The following SGCZ variants were observed in gnomAD, a reference collection of about 807,000 sequenced individuals.
SGCZ encodes zeta-sarcoglycan.
In SGCZ, 40 loss-of-function variants were observed where a neutral mutation model predicts 41.3. The ratio of observed to expected loss-of-function variants is 0.97; its 90% CI spans 0.75 to 1.26. SGCZ has a LOEUF of 1.26. Ranked by LOEUF, SGCZ falls within the 50% of genes most tolerant of loss-of-function variation. The pLI is 0.00. For synonymous variants in SGCZ, 206 were observed against 137.5 expected (o/e 1.50, Z -3.49); for missense variants, 552 against 369.8 (o/e 1.49, Z -4.04).
intron 1 of SGCZ, among the ~76,000 whole-genome samples, chr8:14,973,739 G>T (rs1463447338): frequency 1.3e-5 from 2 of 152,122 alleles, no homozygotes; most frequent in Admixed American, 1.3e-4. Context: ...ATTTGATAAA[G>T]GGTATTTTTA....
intron 1 of SGCZ, among the ~76,000 whole-genome samples, chr8:15,167,417 G>T (rs1799699109): frequency 6.6e-6 from 1 of 150,778 alleles, no homozygotes; most frequent in Non-Finnish European, 1.5e-5. Context: ...TTTCTAACAG[G>T]TCTAGGAGCT....
At chr8:14,776,518 C>CTTT (rs35602866) in intron 1 of SGCZ, among the ~76,000 whole-genome samples, 30 of 116,620 alleles carry the variant, frequency 2.6e-4, no homozygotes, top group Admixed American at 3.1e-4. Flanking sequence ...TTTTCTTTTT[C>CTTT]TTTTTTTTTT....
At chr8:15,129,646 G>C (rs1563141108) in intron 1 of SGCZ, among the ~76,000 whole-genome samples, 2 of 149,014 alleles carry the variant, frequency 1.3e-5, no homozygotes, top group Non-Finnish European at 3.0e-5. Context: ...CATTGAAATA[G>C]AGGCGTGTAA....
intron 1 of SGCZ, among the ~76,000 whole-genome samples, chr8:14,793,226 C>G (rs923953585): frequency 1.3e-5 from 2 of 152,178 alleles, no homozygotes; most frequent in Non-Finnish European, 2.9e-5. Flanking sequence ...TCACTGTCTA[C>G]CGCTTTGCTC....
intron 1 of SGCZ, among the ~76,000 whole-genome samples, chr8:14,934,440 AT>A (rs1800019598): frequency 6.6e-6 from 1 of 151,994 alleles, no homozygotes; most frequent in Admixed American, 6.5e-5. Context: ...ACTTCTAGTA[AT>A]GAAAAAGTAG....
rs1214913511 is a variant in SGCZ at position 14,175,215 on chromosome 8, G to A, written c.425-10513C>T. ...CAAAATTATCATCCAAGGTTGAATGGCCAAAGATATTTACAGACTAATAAA... is the reference window on the plus strand; with the variant it reads ...CAAAATTATCATCCAAGGTTGAATGACCAAAGATATTTACAGACTAATAAA... On this transcript the variant is annotated intron_variant, in intron 4 of 7. Coordinates refer to ENST00000382080, the MANE Select transcript of SGCZ (RefSeq NM_139167.4). Among the ~76,000 whole-genome samples the A allele has an allele frequency of 2.6e-5, 4 of 152,120 alleles. No homozygotes were observed. In the South Asian group the frequency reaches 6.2e-4, roughly 24 times the overall value.
Position 14,541,191 on chromosome 8 carries a change from C to T in SGCZ, c.234+13541G>A, listed in dbSNP as rs552286708. On this transcript the variant is annotated intron_variant, in intron 2 of 7. Transcript: ENST00000382080. ...GATACAGGTACTGAATGTGTAGGTT[C>T]GTTACATAGGTATACACGTGCCATG... is the stretch of plus-strand genomic sequence containing the variant. Among the ~76,000 whole-genome samples the T allele has an allele frequency of 1.4e-4, 21 of 151,784 alleles. No homozygotes were observed. In the South Asian group the frequency reaches 3.1e-3, roughly 23 times the overall value.
intron 2 of SGCZ, among the ~76,000 whole-genome samples, chr8:14,549,672 T>A (rs141262770): frequency 2.0e-5 from 3 of 152,196 alleles, no homozygotes; most frequent in Non-Finnish European, 2.9e-5. Context: ...AGGTACATAT[T>A]TGGATGAACC....
In SGCZ at chr8:15,012,374, G is replaced by A. The variant is rs566615016; in HGVS notation, c.39+225211C>T. 4.7e-5 allele frequency among the ~76,000 whole-genome samples: 7 copies of A among 150,466 alleles called. No individual in the cohort carries two copies. The South Asian group carries it at 1.3e-3, about 27-fold the overall frequency. On this transcript the variant is annotated intron_variant, in intron 1 of 7. Coordinates refer to ENST00000382080, the MANE Select transcript of SGCZ (RefSeq NM_139167.4). ...GTTATTTGGGAGGCTGAAGTGAGAGGATCACTTGACCCCAGGAGGTTCATG... is the reference window on the plus strand; with the variant it reads ...GTTATTTGGGAGGCTGAAGTGAGAGAATCACTTGACCCCAGGAGGTTCATG...
Position 15,159,342 on chromosome 8 carries a change from T to C in SGCZ, c.39+78243A>G, listed in dbSNP as rs1053340743. Among the ~76,000 whole-genome samples the C allele has an allele frequency of 5.7e-4, 86 of 151,778 alleles. 1 individual carries two copies. The Middle Eastern group carries it at 0.027, about 48-fold the overall frequency. On this transcript the variant is annotated intron_variant, in intron 1 of 7. Coordinates refer to ENST00000382080, the MANE Select transcript of SGCZ (RefSeq NM_139167.4). ...CCTTTATAAGAAACTGAAAAAAACA[T>C]GGTTCCCTGAGTTCTGTGAGTCTCT...
chr8:15,125,723 T>G (rs576379611), intron 1 of SGCZ, among the ~76,000 whole-genome samples: 1 of 152,354 alleles, frequency 6.6e-6, no homozygotes, highest in African/African-American at 2.4e-5. Context: ...GACTGTTCAT[T>G]ACCATGAAGT....
chr8:15,190,767 A>C (rs941463004), intron 1 of SGCZ, among the ~76,000 whole-genome samples: 1 of 152,068 alleles, frequency 6.6e-6, no homozygotes, highest in African/African-American at 2.4e-5. Context: ...CTATCAACAA[A>C]GATTTGCAAT....
chr8:14,705,572 C>A (rs537738551), intron 1 of SGCZ, among the ~76,000 whole-genome samples: 5 of 151,982 alleles, frequency 3.3e-5, no homozygotes, highest in African/African-American at 9.6e-5. Context: ...TTTAATAGAT[C>A]AAAATGTTTC....
chr8:14,322,112 C>T (rs1400136890), intron 3 of SGCZ, among the ~76,000 whole-genome samples: 2 of 152,092 alleles, frequency 1.3e-5, no homozygotes, highest in African/African-American at 2.4e-5. Flanking sequence ...CTGTGGAAGG[C>T]AGTCTGGAGA....
At chr8:15,065,064 G>C (rs973959656) in intron 1 of SGCZ, among the ~76,000 whole-genome samples, 1 of 152,040 alleles carries the variant, frequency 6.6e-6, no homozygotes, top group Non-Finnish European at 1.5e-5. Flanking sequence ...GCAAAAATCT[G>C]ATCATGTCAG....
intron 1 of SGCZ, among the ~76,000 whole-genome samples, chr8:15,219,514 T>A (rs1054096736): frequency 6.6e-6 from 1 of 152,222 alleles, no homozygotes; most frequent in Admixed American, 6.5e-5. Flanking sequence ...TGTTTTTTCT[T>A]TTATGTCTAT....
At chr8:14,437,400 C>T (rs1175835844) in intron 2 of SGCZ, among the ~76,000 whole-genome samples, 1 of 150,792 alleles carries the variant, frequency 6.6e-6, no homozygotes. Context: ...TTTCTTCAAA[C>T]ACTTCAAACA....
chr8:14,614,854 T>C (rs1031926552), intron 1 of SGCZ, among the ~76,000 whole-genome samples: 1 of 152,150 alleles, frequency 6.6e-6, no homozygotes, highest in Non-Finnish European at 1.5e-5. Context: ...AACCAAATTA[T>C]ATGTAATGTT....
intron 2 of SGCZ, among the ~76,000 whole-genome samples, chr8:14,515,924 A>T (rs564635175): frequency 1.3e-5 from 2 of 152,022 alleles, no homozygotes; most frequent in Non-Finnish European, 2.9e-5. Flanking sequence ...TTACTTTTCA[A>T]TTTGCTCCTA....
Sources: gnomAD v4.1 joint callset for allele counts (sites outside exome capture counted in the v4.1 genomes callset) on GRCh38, gnomAD v4.1.1 for gene constraint, MANE v1.5 for transcripts, NCBI Gene and HGNC (gene_info 2026-07-23, HGNC 2026-07-21) for gene names.